CUBN: variants seen among roughly 807,000 people sequenced by gnomAD.
CUBN encodes cubilin, also known as 460 kDa receptor.
In CUBN, 282 loss-of-function variants were observed where a neutral mutation model predicts 405.3. The ratio of observed to expected loss-of-function variants is 0.70; its 90% confidence interval spans 0.63 to 0.77. The LOEUF (loss-of-function observed/expected upper bound fraction) is 0.77. CUBN is among the 30% of genes least tolerant of loss of function. The pLI, the probability that CUBN is intolerant of heterozygous loss-of-function variation, is 0.00. For synonymous variants in CUBN, 1,684 were observed against 1,617.0 expected (o/e 1.04, Z -0.99); for missense variants, 4,514 against 4,475.2 (o/e 1.01, Z -0.25).
chr10:16,922,956 C>T (rs1357140311), intron 43 of CUBN, among the ~76,000 whole-genome samples: 2 of 151,436 alleles, frequency 1.3e-5, no homozygotes, highest in East Asian at 3.9e-4. Flanking sequence ...CTCAAGTGAT[C>T]CTCCCAACTC....
In CUBN at chr10:17,105,530, C is replaced by T; in HGVS notation, c.1157G>A (p.Gly386Asp). Residue 386 changes from glycine to aspartate, a missense_variant, in exon 11 of 67, where the codon GGT (glycine) becomes GAT (aspartate). By Grantham distance (94) the Gly-to-Asp change is moderately conservative (BLOSUM62 -1). Around this residue, in one of 5 missense-constraint regions of CUBN, gnomAD observed 1,448 missense variants for 1,388.0 expected, o/e 1.04. Transcript: ENST00000377833. ...CTGCACACATCCATTTGGCCCATAA[C>T]CATTTCCAGTATAACCCGGGAGACA... is the stretch of plus-strand genomic sequence containing the variant. ...CTCLPGYTGN[G>D]YGPNGCVQLS... 6.2e-7 allele frequency: 1 copy of T among 1,612,032 alleles called. No individual in the cohort carries two copies. Among genetic ancestry groups the T allele is most frequent in the Non-Finnish European group, 8.5e-7 (1 of 1,178,080 alleles).
intron 28 of CUBN, among the ~76,000 whole-genome samples, chr10:17,004,276 C>G (rs55675525): frequency 0.054 from 8,167 of 152,272 alleles, 781 homozygotes; most frequent in African/African-American, 0.19. Context: ...AAGACAAAGA[C>G]TAACGTGGTA....
chr10:16,871,472 G>GA (rs907814519), intron 58 of CUBN, among the ~76,000 whole-genome samples: 4 of 150,520 alleles, frequency 2.7e-5, no homozygotes, highest in South Asian at 4.2e-4. Flanking sequence ...ACAGCCTTGA[G>GA]AAAAAAAATT....
intron 5 of CUBN, among the ~76,000 whole-genome samples, chr10:17,123,193 CT>C (rs920723771): frequency 5.4e-5 from 8 of 149,126 alleles, no homozygotes; most frequent in South Asian, 2.1e-4. Flanking sequence ...ACTTACTTAA[CT>C]TTTTTTTTTA....
At position 16,874,462 on chromosome 10, in the gene CUBN, T is replaced by A; in HGVS notation, c.9148A>T (p.Ser3050Cys). 1 of 1,614,168 alleles carries A rather than the reference T, an allele frequency of 6.2e-7. No homozygotes were observed. Among genetic ancestry groups the A allele is most frequent in the Non-Finnish European group, 8.5e-7 (1 of 1,179,998 alleles). The change falls in exon 58 of 67, where the codon AGT becomes TGT. Residue 3050 changes from serine to cysteine, a missense_variant. Physicochemically the swap from Ser to Cys is moderately radical, Grantham distance 112. Transcript: ENST00000377833. ...TAGTCTGCGTATGAATAGGCAGGAC[T>A]TGTGATGATTCCAGAAGAGAAATTG... ...VFNFSSGIIT[S>C]PAYSYADYPN...
chr10:16,968,497 G>A (rs1192241592), intron 31 of CUBN, among the ~76,000 whole-genome samples: 5 of 152,090 alleles, frequency 3.3e-5, no homozygotes, highest in Non-Finnish European at 7.3e-5. Flanking sequence ...GACCATGGTC[G>A]GCTTGCTTTG....
chr10:17,066,315 G>T (rs1022365372), intron 21 of CUBN, among the ~76,000 whole-genome samples: 3 of 152,106 alleles, frequency 2.0e-5, no homozygotes, highest in African/African-American at 7.2e-5. Flanking sequence ...AAGACAGAAT[G>T]CCATGAGCTT....
rs3740169 is a variant in CUBN, at chr10:16,831,548, G to A, written c.10363-131C>T. On this transcript the variant is annotated intron_variant, in intron 64 of 66. Coordinates refer to ENST00000377833, the MANE Select transcript of CUBN (RefSeq NM_001081.4). ...CTTTTTATACAGTTAAGAATGAAGCGTTTTCTGAAAATACATGCAGAAGTC... is the reference window on the plus strand; with the variant it reads ...CTTTTTATACAGTTAAGAATGAAGCATTTTCTGAAAATACATGCAGAAGTC... The A allele has an allele frequency of 0.23, 187,710 of 815,378 alleles. 24,518 individuals are homozygous for A. The highest frequency in any genetic ancestry group is 0.45 in the African/African-American group (26,307 of 58,280). 50.5% of individuals were successfully genotyped at this position (815,378 alleles called of 1,614,324 possible). A position where few individuals can be genotyped will look rare whatever the true frequency, so the allele number is the denominator to read the frequency against.
In CUBN at chr10:16,835,033, C is replaced by T; in HGVS notation, c.10343G>A (p.Cys3448Tyr). ...TATCACCTCCAAGAAATCGTTTCTGCATTCAACTGAGTTCTCGATGCCAAG... is the reference window on the plus strand; with the variant it reads ...TATCACCTCCAAGAAATCGTTTCTGTATTCAACTGAGTTCTCGATGCCAAG... The part of the protein sequence containing the change: ...HSLGIENSVE[C>Y]RNDFLEVRNG... Residue 3448 changes from cysteine to tyrosine, a missense_variant, in exon 64 of 67, where the codon TGC becomes TAC. Around this residue, in one of 5 missense-constraint regions of CUBN, gnomAD observed 1,186 missense variants for 1,186.9 expected, o/e 1.00. Transcript: ENST00000377833. The T allele has an allele frequency of 1.2e-6, 2 of 1,614,024 alleles. No homozygotes were observed. The highest frequency in any genetic ancestry group is 1.1e-5 in the South Asian group (1 of 91,074).
intron 56 of CUBN, among the ~76,000 whole-genome samples, chr10:16,883,490 G>T (rs1840721458): frequency 6.6e-6 from 1 of 152,110 alleles, no homozygotes; most frequent in African/African-American, 2.4e-5. Context: ...AAAGCAAAGA[G>T]AAGAAACAGC....
In CUBN at chr10:17,071,601, C is replaced by T. The variant is rs1441630357; in HGVS notation, c.2450G>A (p.Cys817Tyr). The change falls in exon 19 of 67, where the codon TGC becomes TAC. Residue 817 changes from cysteine to tyrosine, a missense_variant. By Grantham distance (194) the Cys-to-Tyr change is radical. Coordinates refer to ENST00000377833, the MANE Select transcript of CUBN (RefSeq NM_001081.4). ...CCCTTCTCCAGTTAATTCATCCCCGCAAGCTGTAAGCATAAAAATTATAGT... is the reference window on the plus strand; with the variant it reads ...CCCTTCTCCAGTTAATTCATCCCCGTAAGCTGTAAGCATAAAAATTATAGT... The part of the protein sequence containing the change: ...ASFRAVYQVA[C>Y]GDELTGEGVI... The T allele has an allele frequency of 6.2e-7, 1 of 1,613,300 alleles. No homozygotes were observed. The highest frequency in any genetic ancestry group is 1.7e-5 in the Admixed American group (1 of 59,996).
At chr10:17,116,273 G>A (rs1836896343) in intron 6 of CUBN, among the ~76,000 whole-genome samples, 1 of 152,208 alleles carries the variant, frequency 6.6e-6, no homozygotes, top group Non-Finnish European at 1.5e-5. Flanking sequence ...AATCAAATAA[G>A]CAATGTTGTT....
chr10:16,979,946 G>C (rs1833215767), intron 31 of CUBN, among the ~76,000 whole-genome samples: 1 of 152,086 alleles, frequency 6.6e-6, no homozygotes, highest in Admixed American at 6.5e-5. Flanking sequence ...CTATCCAGCT[G>C]ACAAAGGGCT....
At chr10:17,070,146 T>C in intron 19 of CUBN, among the ~76,000 whole-genome samples, 1 of 152,224 alleles carries the variant, frequency 6.6e-6, no homozygotes, top group East Asian at 1.9e-4. Flanking sequence ...ATTGATATGT[T>C]TTGGCATCAT....
At chr10:16,923,140 A>G (rs530102564) in intron 43 of CUBN, among the ~76,000 whole-genome samples, 1 of 151,950 alleles carries the variant, frequency 6.6e-6, no homozygotes, top group East Asian at 1.9e-4. Context: ...GCCCAGCCTT[A>G]TATCATGTTC....
At chr10:16,848,915 G>C (rs891644186) in intron 60 of CUBN, among the ~76,000 whole-genome samples, 1 of 151,774 alleles carries the variant, frequency 6.6e-6, no homozygotes, top group Non-Finnish European at 1.5e-5. Context: ...TGTTGCCAGG[G>C]CTTGTCTCAA....
At chr10:17,122,772 C>T (rs61843730) in intron 6 of CUBN, 23 bp downstream of exon 6, 99 of 1,416,274 alleles carry the variant, frequency 7.0e-5, no homozygotes, top group Non-Finnish European at 9.2e-5. Context: ...CTGATATTTA[C>T]CAAAAAAAAA....
chr10:17,115,243 C>CAAA (rs71377018), intron 7 of CUBN, among the ~76,000 whole-genome samples: 4 of 122,274 alleles, frequency 3.3e-5, no homozygotes, highest in African/African-American at 9.7e-5. Context: ...GGCTCCATCT[C>CAAA]AAAAAAAAAA....
intron 5 of CUBN, chr10:17,123,331 T>A (rs1009062050): frequency 5.5e-6 from 3 of 546,552 alleles, no homozygotes; most frequent in Non-Finnish European, 9.9e-6. Flanking sequence ...TAAATTAATG[T>A]TAACAGAAAT....
Sources: gnomAD v4.1 joint callset for allele counts (sites outside exome capture counted in the v4.1 genomes callset) on GRCh38, gnomAD v4.1.1 for gene constraint, gnomAD v4.1.1 regional missense constraint, MANE v1.5 for transcripts, NCBI Gene and HGNC (gene_info 2026-07-23, HGNC 2026-07-21) for gene names.